The following CHD4 variants were observed in gnomAD, a reference collection of about 807,000 sequenced individuals.
The protein encoded by CHD4 is ATP-dependent chromatin remodeler CHD4.
Under a neutral mutation model 235.5 loss-of-function variants are expected in CHD4, and 35 were observed. The observed-to-expected ratio is 0.15, with a 90% CI of 0.11 to 0.20. The LOEUF (loss-of-function observed/expected upper bound fraction) is 0.20. Among genes scored for constraint, CHD4 ranks in the 10% least tolerant of loss-of-function variants. CHD4 has a pLI of 1.00. For missense variants in CHD4, 1,329 were observed against 2,432.3 expected, an observed-to-expected ratio of 0.55 and a Z score of 9.54; for synonymous variants, 900 against 850.2, an observed-to-expected ratio of 1.06 and a Z score of -1.02.
At chr12:6,606,211 G>T in intron 2 of CHD4, 63 bp downstream of exon 2, 1 of 1,112,262 alleles carries the variant, frequency 9.0e-7, no homozygotes. Context: ...CCTCACCAGA[G>T]GAGTCACTCG....
rs548042509 is a variant in CHD4 at position 6,604,895 on chromosome 12, GA to G, written c.100+1378del. ...ATGGGAGGCCAAGACGTGGAACCCA[GA>G]ATGTTTAGGCAGCACTACTGTTTCT... On this transcript the variant is annotated intron_variant, in intron 2 of 39. Transcript: ENST00000544040. 1.3e-3 allele frequency among the ~76,000 whole-genome samples: 196 copies of G among 152,276 alleles called. 1 individual carries two copies. The highest frequency in any genetic ancestry group is 6.8e-3 in the Middle Eastern group (2 of 294).
intron 12 of CHD4, among the ~76,000 whole-genome samples, chr12:6,596,886 G>A (rs1382679857): frequency 6.6e-6 from 1 of 151,728 alleles, no homozygotes; most frequent in Non-Finnish European, 1.5e-5. Context: ...TTGAGCCTGA[G>A]AGGCGGAGGT....
chr12:6,571,246 C>T (rs1019531598), intron 38 of CHD4: 10 of 553,694 alleles, frequency 1.8e-5, no homozygotes, highest in Admixed American at 3.5e-5. Context: ...GTCACCTAAA[C>T]CTTCACTATC....
intron 37 of CHD4, among the ~76,000 whole-genome samples, chr12:6,577,295 G>A (rs577699004): frequency 1.1e-4 from 16 of 151,762 alleles, no homozygotes; most frequent in African/African-American, 3.1e-4. Flanking sequence ...GGTGGCAGGC[G>A]CCTGTAATCT....
rs774036270 is a variant in CHD4, at chr12:6,600,551, G to C, written c.1046C>G (p.Thr349Ser). 6.2e-7 allele frequency: 1 copy of C among 1,606,358 alleles called. No homozygotes were observed. Among genetic ancestry groups the C allele is most frequent in the Non-Finnish European group, 8.5e-7 (1 of 1,177,656 alleles). The change falls in exon 8 of 40, where the codon ACT becomes AGT. Residue 349 changes from threonine to serine, a missense_variant. Around this residue, in one of 26 missense-constraint regions of CHD4, gnomAD observed 160 missense variants for 196.6 expected, o/e 0.81. Coordinates refer to ENST00000544040, the MANE Select transcript of CHD4 (RefSeq NM_001273.5). ...SSRSRKKLRT[T>S]KKKKKGEEEV... ...AAACACACCTTTCTTTTTCTTTTTA[G>C]TGGTTCGGAGTTTCTTGCGGCTGCG...
At position 6,573,208 on chromosome 12, in the gene CHD4, G is replaced by A; in HGVS notation, c.5423C>T (p.Ser1808Leu). Residue 1808 changes from serine to leucine, a missense_variant, in exon 38 of 40, where the codon TCA (serine) becomes TTA (leucine). Physicochemically the swap from Ser to Leu is moderately radical, Grantham distance 145 (BLOSUM62 -2). Transcript: ENST00000544040. ...QLRRAAYLNMSEDPSHPSMAL... is the reference protein window; with the variant it reads ...QLRRAAYLNMLEDPSHPSMAL... The stretch of plus-strand genomic sequence containing the variant: ...CATGGAAGGGTGAGAAGGGTCTTCT[G>A]ACATGTTCAAGTAAGCAGCCCGGCG... 1 of 1,602,094 alleles carries A rather than the reference G, an allele frequency of 6.2e-7. No individual in the cohort carries two copies. The highest frequency in any genetic ancestry group is 8.5e-7 in the Non-Finnish European group (1 of 1,176,130).
At position 6,600,677 on chromosome 12, in the gene CHD4, G is replaced by A; in HGVS notation, c.928-8C>T. 1.2e-6 allele frequency: 2 copies of A among 1,613,542 alleles called. No homozygotes were observed. Among genetic ancestry groups the A allele is most frequent in the Non-Finnish European group, 1.7e-6 (2 of 1,179,836 alleles). ...TAAGTCATCATCCTCACTCTGGCAG[G>A]ATGAAAAAGAATAAGGTTAGACGTT... On this transcript the variant is annotated splice_region_variant and splice_polypyrimidine_tract_variant and intron_variant, in intron 7 of 39. Transcript: ENST00000544040.
At chr12:6,575,852 A>C (rs1948061850) in intron 37 of CHD4, among the ~76,000 whole-genome samples, 1 of 152,156 alleles carries the variant, frequency 6.6e-6, no homozygotes, top group Admixed American at 6.5e-5. Flanking sequence ...CCTACAGCTC[A>C]ACTGGGCTAT....
chr12:6,589,492 G>C (rs1213748418), intron 22 of CHD4, among the ~76,000 whole-genome samples: 1 of 152,074 alleles, frequency 6.6e-6, no homozygotes, highest in Non-Finnish European at 1.5e-5. Flanking sequence ...TCATCGACTG[G>C]GCGTGGTGGC....
At position 6,587,459 on chromosome 12, in the gene CHD4, T is replaced by C. The variant is rs2136208682; in HGVS notation, c.3804A>G (p.Thr1268=). The change falls in exon 25 of 40, where the codon ACA becomes ACG. Residue 1268 remains threonine, a synonymous_variant. Coordinates refer to ENST00000544040, the MANE Select transcript of CHD4 (RefSeq NM_001273.5). ...AATATTCATTCATGCCCTGCAATTC[T>C]GTGTCTTCAGTCTCATCCTGGTTAC... is the stretch of plus-strand genomic sequence containing the variant. ...LDRNQDETED[T]ELQGMNEYLS... is the part of the protein sequence containing the mutation. 2 of 1,614,204 alleles carry C rather than the reference T, an allele frequency of 1.2e-6. No homozygotes were observed. The highest frequency in any genetic ancestry group is 2.2e-5 in the East Asian group (1 of 44,892).
In CHD4 at chr12:6,606,292, G is replaced by A; in HGVS notation, c.82C>T (p.Leu28=). ...EDMDALLNNS[L]PPPHPENEED... is the part of the protein sequence containing the mutation. ...ATGTTACCTGGGTGGGGTGGGGGCA[G>A]GCTGTTGTTCAAAAGTGCATCCATA... is the stretch of plus-strand genomic sequence containing the variant. The change falls in exon 2 of 40, where the codon CTG becomes TTG. Residue 28 remains leucine, a synonymous_variant. Coordinates refer to ENST00000544040, the MANE Select transcript of CHD4 (RefSeq NM_001273.5). 2.5e-6 allele frequency: 4 copies of A among 1,585,806 alleles called. No individual in the cohort carries two copies. In the East Asian group the frequency reaches 7.4e-5, roughly 29 times the overall value.
intron 22 of CHD4, among the ~76,000 whole-genome samples, chr12:6,590,957 T>TA (rs1229729804): frequency 1.1e-4 from 16 of 151,324 alleles, no homozygotes; most frequent in African/African-American, 3.9e-4. Context: ...ACCACATCTC[T>TA]ACTAAAAATA....
At chr12:6,574,060 G>GT (rs1021248848) in intron 37 of CHD4, among the ~76,000 whole-genome samples, 2 of 152,048 alleles carry the variant, frequency 1.3e-5, no homozygotes, top group African/African-American at 4.8e-5. Flanking sequence ...AAATATTTTT[G>GT]TTTTTTATTT....
chr12:6,586,294 G>A (rs570314617), intron 25 of CHD4, among the ~76,000 whole-genome samples: 2 of 151,974 alleles, frequency 1.3e-5, no homozygotes, highest in South Asian at 2.1e-4. Context: ...CCAGCTACTC[G>A]GGAGGCTGAG....
At chr12:6,585,140 G>A (rs1306731752) in intron 25 of CHD4, among the ~76,000 whole-genome samples, 1 of 152,022 alleles carries the variant, frequency 6.6e-6, no homozygotes, top group Non-Finnish European at 1.5e-5. Flanking sequence ...ACAAGAAAAA[G>A]GAAATTTTAT....
intron 30 of CHD4, 37 bp downstream of exon 30, chr12:6,582,100 G>A: frequency 1.3e-6 from 2 of 1,514,154 alleles, no homozygotes; most frequent in East Asian, 2.4e-5. Context: ...ACTGCGCCTG[G>A]CCCCCTAGAA....
At chr12:6,592,319 G>A (rs892777752) in intron 19 of CHD4, 74 bp downstream of exon 19, 11 of 1,503,808 alleles carry the variant, frequency 7.3e-6, no homozygotes, top group Middle Eastern at 2.4e-4. Flanking sequence ...GAAGCTGAGT[G>A]GGGGAGGAAT....
chr12:6,580,714 A>AAAAAAACAAAC (rs1565604040), intron 33 of CHD4: 11 of 229,184 alleles, frequency 4.8e-5, no homozygotes, highest in South Asian at 1.7e-4. Context: ...GAAAAAAAAA[A>AAAAAAACAAAC]AAAAAAAAAA....
Position 6,583,387 on chromosome 12 carries a change from G to A in CHD4, c.3880-9C>T. 5 of 1,600,846 alleles carry A rather than the reference G, an allele frequency of 3.1e-6. No individual in the cohort carries two copies. The highest frequency in any genetic ancestry group is 1.3e-5 in the African/African-American group (1 of 74,860). Reference sequence around the variant, plus strand: ...TCTACCTCCTCTTCCTCCTGGGACAGAGGGAGGGCCAGGACTCAGGAGTGC... The same window carrying A: ...TCTACCTCCTCTTCCTCCTGGGACAAAGGGAGGGCCAGGACTCAGGAGTGC... On this transcript the variant is annotated splice_polypyrimidine_tract_variant and intron_variant, in intron 25 of 39. Coordinates refer to ENST00000544040, the MANE Select transcript of CHD4 (RefSeq NM_001273.5).
Sources: allele counts gnomAD v4.1 joint callset (sites outside exome capture counted in the v4.1 genomes callset), GRCh38; gene constraint gnomAD v4.1.1; regional missense constraint gnomAD v4.1.1; transcripts MANE v1.5; gene names NCBI Gene and HGNC (gene_info 2026-07-23, HGNC 2026-07-21).